The following MTUS2 variants were observed in gnomAD, a reference collection of about 807,000 sequenced individuals.
MTUS2 encodes the protein microtubule associated scaffold protein 2.
In MTUS2, 40 loss-of-function variants were observed where a neutral mutation model predicts 114.1. The observed-to-expected ratio is 0.35, with a 90% confidence interval of 0.27 to 0.46. MTUS2 has a LOEUF of 0.46. Among genes scored for constraint, MTUS2 ranks in the 20% least tolerant of loss-of-function variants. MTUS2 has a pLI of 1.00. For missense variants in MTUS2, 1,679 were observed against 1,705.4 expected, an observed-to-expected ratio of 0.98 and a Z score of 0.27; for synonymous variants, 688 against 672.0, an observed-to-expected ratio of 1.02 and a Z score of -0.37.
In MTUS2 at chr13:29,505,460, TTTG is replaced by T. The variant is rs1436872609; in HGVS notation, c.*2257_*2259del. The stretch of plus-strand genomic sequence containing the variant: ...CACGTGGCCCTGGCTTCGTGGTTTG[TTTG>T]TTTTTTTTCTTTTGTTACGGACACC... On this transcript the variant is annotated 3_prime_UTR_variant, in exon 16 of 16. Transcript: ENST00000612955. 9 of 108,622 alleles carry T rather than the reference TTTG, an allele frequency of 8.3e-5. No individual in the cohort carries two copies. The highest frequency in any genetic ancestry group is 1.9e-4 in the Admixed American group (1 of 5,170). The allele number at this position is 108,622 out of a possible 1,614,324, so 6.7% of individuals were successfully genotyped here.
At chr13:29,415,428 C>A (rs542589548) in intron 8 of MTUS2, among the ~76,000 whole-genome samples, 1 of 152,116 alleles carries the variant, frequency 6.6e-6, no homozygotes, top group African/African-American at 2.4e-5. Flanking sequence ...ATCTTCATCA[C>A]GATTTTGGCT....
At chr13:29,134,674 T>C (rs1313772459) in intron 5 of MTUS2, among the ~76,000 whole-genome samples, 2 of 152,232 alleles carry the variant, frequency 1.3e-5, no homozygotes, top group African/African-American at 4.8e-5. Context: ...CTTGGCTCAC[T>C]GCAACTTCCG....
At chr13:29,318,935 ATTAAAC>A (rs1900137226) in intron 6 of MTUS2, among the ~76,000 whole-genome samples, 1 of 152,140 alleles carries the variant, frequency 6.6e-6, no homozygotes, top group South Asian at 2.1e-4. Context: ...AGTATTTCAA[ATTAAAC>A]TTAAGGGCTT....
Position 28,950,240 on chromosome 13 carries a change from ATCT to A in MTUS2, c.-242-74212_-242-74210del, listed in dbSNP as rs367798830. Among the ~76,000 whole-genome samples the A allele has an allele frequency of 2.2e-3, 334 of 152,268 alleles. 3 individuals are homozygous for A. Among genetic ancestry groups the A allele is most frequent in the African/African-American group, 7.8e-3 (325 of 41,558 alleles). ...TCATATTCTTGTTGGCCATTTGTAT[ATCT>A]TCTTTGGAGAAATTTGTATTCAAGT... On this transcript the variant is annotated intron_variant, in intron 2 of 15. Coordinates refer to ENST00000612955, the MANE Select transcript of MTUS2 (RefSeq NM_001033602.4).
chr13:29,413,423 G>A (rs1443737668), intron 8 of MTUS2, among the ~76,000 whole-genome samples: 1 of 146,364 alleles, frequency 6.8e-6, no homozygotes. Context: ...AACACCAAAA[G>A]CAATGGCAAC....
intron 1 of MTUS2, among the ~76,000 whole-genome samples, chr13:28,829,777 G>T (rs1437749363): frequency 6.6e-6 from 1 of 152,210 alleles, no homozygotes; most frequent in Non-Finnish European, 1.5e-5. Context: ...TTAACAAGAG[G>T]TTAACCAAAA....
intron 4 of MTUS2, among the ~76,000 whole-genome samples, chr13:29,074,201 T>C (rs993196994): frequency 6.6e-6 from 1 of 152,200 alleles, no homozygotes; most frequent in Admixed American, 6.5e-5. Context: ...CTCTTCCAGC[T>C]GACCTCTGCA....
chr13:29,214,155 A>G (rs1456799678), intron 5 of MTUS2, among the ~76,000 whole-genome samples: 2 of 143,878 alleles, frequency 1.4e-5, no homozygotes, highest in South Asian at 2.3e-4. Flanking sequence ...TTATTTCTAC[A>G]TATGTTATGA....
intron 8 of MTUS2, among the ~76,000 whole-genome samples, chr13:29,362,613 G>A (rs1271706357): frequency 6.6e-6 from 1 of 152,114 alleles, no homozygotes; most frequent in Non-Finnish European, 1.5e-5. Context: ...CTTGAACCCA[G>A]GAGACGGAGG....
intron 5 of MTUS2, among the ~76,000 whole-genome samples, chr13:29,159,166 G>T (rs1413253962): frequency 6.6e-6 from 1 of 152,150 alleles, no homozygotes; most frequent in Admixed American, 6.5e-5. Flanking sequence ...CATGTGTTAT[G>T]TGTATGTATG....
chr13:29,073,624 C>A (rs1487750451), intron 4 of MTUS2, among the ~76,000 whole-genome samples: 1 of 152,064 alleles, frequency 6.6e-6, no homozygotes, highest in Admixed American at 6.5e-5. Context: ...AGCTTTCCTC[C>A]ATCTGTTTAC....
At chr13:29,313,593 A>G (rs867237343) in intron 6 of MTUS2, among the ~76,000 whole-genome samples, 10 of 152,320 alleles carry the variant, frequency 6.6e-5, no homozygotes, top group Admixed American at 1.3e-4. Context: ...ATGGAACACA[A>G]ATATTAGGAG....
intron 7 of MTUS2, among the ~76,000 whole-genome samples, chr13:29,355,562 A>G (rs529101205): frequency 1.6e-4 from 24 of 152,350 alleles, no homozygotes; most frequent in African/African-American, 5.5e-4. Context: ...CCAGGCTCCT[A>G]CAGGACAATG....
At chr13:29,433,111 G>C (rs886247963) in intron 8 of MTUS2, among the ~76,000 whole-genome samples, 2 of 152,078 alleles carry the variant, frequency 1.3e-5, no homozygotes, top group African/African-American at 2.4e-5. Flanking sequence ...TCTTCTCCTT[G>C]GCCCCATTAA....
chr13:29,242,405 CT>C, intron 5 of MTUS2: 1 of 178,176 alleles, frequency 5.6e-6, no homozygotes, highest in African/African-American at 2.4e-5. Flanking sequence ...TCGTTCATTC[CT>C]TTTTTATTGT....
intron 2 of MTUS2, among the ~76,000 whole-genome samples, chr13:28,973,646 C>T (rs1253665255): frequency 3.9e-5 from 6 of 152,190 alleles, no homozygotes; most frequent in Non-Finnish European, 8.8e-5. Flanking sequence ...TTGCTTTTCC[C>T]TATTGCTGGT....
At chr13:29,138,487 A>T (rs1892077193) in intron 5 of MTUS2, among the ~76,000 whole-genome samples, 1 of 148,322 alleles carries the variant, frequency 6.7e-6, no homozygotes, top group Non-Finnish European at 1.5e-5. Flanking sequence ...ATATTTATAT[A>T]TTTTTAATAT....
chr13:29,456,588 A>G (rs1879123481), intron 9 of MTUS2, among the ~76,000 whole-genome samples: 1 of 152,214 alleles, frequency 6.6e-6, no homozygotes, highest in South Asian at 2.1e-4. Context: ...TCAGATATAA[A>G]GAGGAAATGC....
chr13:29,166,290 G>A (rs186601074), intron 5 of MTUS2, among the ~76,000 whole-genome samples: 3 of 152,318 alleles, frequency 2.0e-5, no homozygotes, highest in East Asian at 3.9e-4. Context: ...ACTTGAGGAC[G>A]AAAAACAGGC....
Sources: allele counts gnomAD v4.1 joint callset (sites outside exome capture counted in the v4.1 genomes callset), GRCh38; gene constraint gnomAD v4.1.1; transcripts MANE v1.5; gene names NCBI Gene and HGNC (gene_info 2026-07-23, HGNC 2026-07-21).